The following DCLK1 variants were observed in gnomAD, a reference collection of about 807,000 sequenced individuals.
The protein encoded by DCLK1 is serine/threonine-protein kinase DCLK1.
A neutral mutation model predicts 86.2 loss-of-function variants in DCLK1; 16 were observed. That is an observed-to-expected ratio of 0.19 (90% CI 0.13 to 0.28). DCLK1 has a LOEUF of 0.28. Among genes scored for constraint, DCLK1 ranks in the 10% least tolerant of loss-of-function variants. The probability of loss-of-function intolerance (pLI) is 1.00; values close to 1 mark genes in which losing one functional copy is unlikely to be tolerated. For synonymous variants in DCLK1, 369 were observed against 370.5 expected (o/e 1.00, Z 0.05); for missense variants, 590 against 940.2 (o/e 0.63, Z 4.87).
intron 3 of DCLK1, among the ~76,000 whole-genome samples, chr13:36,037,763 C>A (rs1353030894): frequency 6.6e-6 from 1 of 152,102 alleles, no homozygotes; most frequent in African/African-American, 2.4e-5. Flanking sequence ...GGATTACAGG[C>A]ATGAGCCACC....
chr13:35,995,162 G>T (rs1170990), intron 3 of DCLK1, among the ~76,000 whole-genome samples: 13,659 of 152,206 alleles, frequency 0.09, 1,178 homozygotes, highest in African/African-American at 0.23. Context: ...TCCAAGAAGA[G>T]ACAAAGCATC....
chr13:35,990,797 A>AAT (rs11391074), intron 3 of DCLK1, among the ~76,000 whole-genome samples: 3 of 45,752 alleles, frequency 6.6e-5, no homozygotes, highest in Admixed American at 2.6e-4. Flanking sequence ...CAACGTGGGG[A>AAT]TTTTTTTTTA....
chr13:35,809,182 A>G (rs1447165282), intron 12 of DCLK1, 87 bp from the exon 13 acceptor site: 24 of 1,066,502 alleles, frequency 2.3e-5, no homozygotes, highest in Non-Finnish European at 3.2e-5. Context: ...TCCTCCTCCA[A>G]GCCAAAAATA....
chr13:36,029,765 C>T (rs564463935), intron 3 of DCLK1, among the ~76,000 whole-genome samples: 1 of 152,254 alleles, frequency 6.6e-6, no homozygotes, highest in Admixed American at 6.5e-5. Context: ...ATCTGTTCCA[C>T]AGAATTTTCA....
At chr13:35,792,592 C>A (rs1290646697) in intron 16 of DCLK1, among the ~76,000 whole-genome samples, 1 of 148,058 alleles carries the variant, frequency 6.8e-6, no homozygotes, top group Non-Finnish European at 1.5e-5. Flanking sequence ...AATTTACACA[C>A]TCTGAAAAAA....
intron 5 of DCLK1, among the ~76,000 whole-genome samples, chr13:35,859,976 T>C (rs1378215703): frequency 2.0e-5 from 3 of 152,228 alleles, no homozygotes; most frequent in Admixed American, 1.3e-4. Context: ...GTTCTGAAGT[T>C]AGAGAAATCT....
intron 4 of DCLK1, among the ~76,000 whole-genome samples, chr13:35,919,170 C>T (rs1875628417): frequency 6.6e-6 from 1 of 152,064 alleles, no homozygotes; most frequent in Non-Finnish European, 1.5e-5. Context: ...GGGATTACAG[C>T]CATCAGCCAC....
intron 3 of DCLK1, among the ~76,000 whole-genome samples, chr13:36,073,807 C>T (rs969772648): frequency 2.0e-5 from 3 of 152,174 alleles, no homozygotes; most frequent in African/African-American, 7.2e-5. Flanking sequence ...TTGACCTCCT[C>T]GTGCAGCATA....
intron 4 of DCLK1, among the ~76,000 whole-genome samples, chr13:35,937,373 T>A (rs561696565): frequency 1.3e-5 from 2 of 152,220 alleles, no homozygotes; most frequent in East Asian, 3.9e-4. Context: ...TCCTTTCTCA[T>A]CATCCTGCCC....
At position 36,115,387 on chromosome 13, in the gene DCLK1, A is replaced by C. The variant is rs544835284; in HGVS notation, c.377-3172T>G. On this transcript the variant is annotated intron_variant, in intron 2 of 16. Coordinates refer to ENST00000360631, the MANE Select transcript of DCLK1 (RefSeq NM_001330071.2). ...GTATTTTTGAGCAAAACAGCCCAAA[A>C]TTTGCTTTGGAAGCTTTGCATTACT... Among the ~76,000 whole-genome samples the C allele has an allele frequency of 3.3e-5, 5 of 152,278 alleles. No homozygotes were observed. The East Asian group carries it at 9.6e-4, about 29-fold the overall frequency.
intron 3 of DCLK1, among the ~76,000 whole-genome samples, chr13:36,085,710 G>A (rs890187180): frequency 3.9e-5 from 6 of 152,280 alleles, no homozygotes; most frequent in East Asian, 3.9e-4. Context: ...GGGGTAGACC[G>A]AGAGAATACC....
chr13:35,914,377 A>ATATATATATACG (rs1566600388), intron 4 of DCLK1, among the ~76,000 whole-genome samples: 72 of 111,628 alleles, frequency 6.4e-4, no homozygotes, highest in African/African-American at 2.5e-3. Context: ...ATGTATATAT[A>ATATATATATACG]TATATATATA....
At chr13:35,919,196 A>G (rs1467866971) in intron 4 of DCLK1, among the ~76,000 whole-genome samples, 1 of 152,070 alleles carries the variant, frequency 6.6e-6, no homozygotes, top group Non-Finnish European at 1.5e-5. Context: ...TCGGCCCCCA[A>G]GAGTTTTAAA....
At chr13:35,802,494 C>A (rs2086942022) in intron 15 of DCLK1, among the ~76,000 whole-genome samples, 1 of 152,154 alleles carries the variant, frequency 6.6e-6, no homozygotes, top group Admixed American at 6.5e-5. Context: ...TGCAATTTGA[C>A]AATTTATGGA....
chr13:36,026,932 G>C (rs1171003), intron 3 of DCLK1, among the ~76,000 whole-genome samples: 137,377 of 152,176 alleles, frequency 0.9, 62,666 homozygotes, highest in Non-Finnish European at 0.98. Flanking sequence ...GATATAGAGA[G>C]CTACCCATCC....
intron 4 of DCLK1, among the ~76,000 whole-genome samples, chr13:35,916,587 T>A (rs939134675): frequency 6.6e-6 from 1 of 152,202 alleles, no homozygotes; most frequent in Non-Finnish European, 1.5e-5. Flanking sequence ...CTTTCTTTTC[T>A]TCACTTATAT....
Position 36,020,175 on chromosome 13 carries a change from C to G in DCLK1, c.724-72718G>C, listed in dbSNP as rs566983089. Among the ~76,000 whole-genome samples, 396 of 152,246 alleles carry G rather than the reference C, an allele frequency of 2.6e-3. 1 individual carries two copies. The highest frequency in any genetic ancestry group is 8.9e-3 in the African/African-American group (371 of 41,546). ...TGCTGGTGCCATGCTTCTTGTACAG[C>G]CTGCACAACTGTGAACCAAATAAAC... On this transcript the variant is annotated intron_variant, in intron 3 of 16. Transcript: ENST00000360631.
chr13:35,879,684 A>G (rs1388863827), intron 4 of DCLK1, among the ~76,000 whole-genome samples: 1 of 152,136 alleles, frequency 6.6e-6, no homozygotes, highest in Non-Finnish European at 1.5e-5. Context: ...TCTGAGTTTC[A>G]ACCCCGGGGG....
chr13:35,935,515 A>T (rs1177299012), intron 4 of DCLK1, among the ~76,000 whole-genome samples: 1 of 152,146 alleles, frequency 6.6e-6, no homozygotes, highest in Non-Finnish European at 1.5e-5. Flanking sequence ...ATGTTTTGCA[A>T]CCTTGGTGTT....
Sources: allele counts gnomAD v4.1 joint callset (sites outside exome capture counted in the v4.1 genomes callset), GRCh38; gene constraint gnomAD v4.1.1; transcripts MANE v1.5; gene names NCBI Gene and HGNC (gene_info 2026-07-23, HGNC 2026-07-21).